The following ALK variants were observed in gnomAD, a reference collection of about 807,000 sequenced individuals.
ALK encodes the protein ALK tyrosine kinase receptor.
Under a neutral mutation model 163.1 loss-of-function variants are expected in ALK, and 74 were observed. The ratio of observed to expected loss-of-function variants is 0.45; its 90% CI spans 0.38 to 0.55. The LOEUF is 0.55. Ranked by LOEUF, ALK falls within the 20% of genes least tolerant of loss-of-function variation. The probability of loss-of-function intolerance (pLI) is 0.00; values close to 1 mark genes in which losing one functional copy is unlikely to be tolerated. For synonymous variants in ALK, 960 were observed against 843.2 expected (o/e 1.14, Z -2.40); for missense variants, 2,063 against 2,105.3 (o/e 0.98, Z 0.39).
At chr2:29,380,351 G>A (rs1039402421) in intron 5 of ALK, among the ~76,000 whole-genome samples, 1 of 151,844 alleles carries the variant, frequency 6.6e-6, no homozygotes, top group East Asian at 1.9e-4. Context: ...TGATCCACCT[G>A]CCTCAGCCTC....
rs563640159 is a variant in ALK, at chr2:29,339,230, G to A, written c.1283-10749C>T. On this transcript the variant is annotated intron_variant, in intron 5 of 28. Coordinates refer to ENST00000389048, the MANE Select transcript of ALK (RefSeq NM_004304.5). Reference sequence around the variant, plus strand: ...TGCACTCCAGCCTGGGTGACAGGGCGAGACTCTATCTCAAAAAAAAAAAAA... The same window carrying A: ...TGCACTCCAGCCTGGGTGACAGGGCAAGACTCTATCTCAAAAAAAAAAAAA... Among the ~76,000 whole-genome samples, 25 of 147,998 alleles carry A rather than the reference G, an allele frequency of 1.7e-4. No individual in the cohort carries two copies. The South Asian group carries it at 5.2e-3, about 31-fold the overall frequency.
intron 5 of ALK, among the ~76,000 whole-genome samples, chr2:29,332,249 G>T (rs975265305): frequency 1.8e-5 from 2 of 114,122 alleles, no homozygotes; most frequent in African/African-American, 6.7e-5. Flanking sequence ...CCGCACCATT[G>T]TACTCCAGCC....
intron 3 of ALK, among the ~76,000 whole-genome samples, chr2:29,561,920 G>T (rs925106259): frequency 6.6e-6 from 1 of 152,112 alleles, no homozygotes; most frequent in Non-Finnish European, 1.5e-5. Flanking sequence ...GGTCTAAGTA[G>T]TGATGTTTCA....
intron 1 of ALK, among the ~76,000 whole-genome samples, chr2:29,733,554 C>G (rs774763447): frequency 6.6e-6 from 1 of 152,228 alleles, no homozygotes; most frequent in African/African-American, 2.4e-5. Flanking sequence ...ATAATAGAAG[C>G]AATCTTACAT....
intron 1 of ALK, among the ~76,000 whole-genome samples, chr2:29,786,021 G>T (rs889100810): frequency 1.3e-5 from 2 of 151,824 alleles, no homozygotes; most frequent in African/African-American, 4.8e-5. Flanking sequence ...GGATAAAGTG[G>T]CTTTAAAAAG....
chr2:29,486,104 A>C (rs202027251), intron 4 of ALK, among the ~76,000 whole-genome samples: 1 of 127,020 alleles, frequency 7.9e-6, no homozygotes, highest in African/African-American at 2.9e-5. Context: ...CACGGTGTCT[A>C]TTGTTCAGGA....
chr2:29,214,380 G>GT (rs1669546677), intron 23 of ALK, among the ~76,000 whole-genome samples: 1 of 152,164 alleles, frequency 6.6e-6, no homozygotes, highest in Non-Finnish European at 1.5e-5. Context: ...GGGAAGCTAG[G>GT]TTGGAGCAGG....
intron 1 of ALK, among the ~76,000 whole-genome samples, chr2:29,866,851 G>T (rs1325615443): frequency 6.6e-6 from 1 of 152,178 alleles, no homozygotes; most frequent in Non-Finnish European, 1.5e-5. Flanking sequence ...TGTGGGCAAG[G>T]CTCCTGGGCC....
At chr2:29,816,276 G>C (rs543485491) in intron 1 of ALK, among the ~76,000 whole-genome samples, 15 of 152,266 alleles carry the variant, frequency 9.9e-5, no homozygotes, top group Non-Finnish European at 2.2e-4. Context: ...TGAGGGCTGG[G>C]TGGTTCTGAG....
At chr2:29,914,107 T>A (rs1434887389) in intron 1 of ALK, among the ~76,000 whole-genome samples, 1 of 152,226 alleles carries the variant, frequency 6.6e-6, no homozygotes, top group Admixed American at 6.5e-5. Context: ...ATTGCGAATA[T>A]GCTGGTGGAC....
chr2:29,478,563 G>A (rs1671583906), intron 4 of ALK, among the ~76,000 whole-genome samples: 1 of 152,244 alleles, frequency 6.6e-6, no homozygotes, highest in Non-Finnish European at 1.5e-5. Flanking sequence ...GAGCTTTGAA[G>A]TAATGAGCTC....
intron 4 of ALK, among the ~76,000 whole-genome samples, chr2:29,392,406 T>A (rs978909240): frequency 2.0e-5 from 3 of 152,234 alleles, no homozygotes; most frequent in Non-Finnish European, 4.4e-5. Flanking sequence ...ACTCATTTTT[T>A]AGAAGAGCTT....
intron 4 of ALK, among the ~76,000 whole-genome samples, chr2:29,481,462 A>G (rs1671657479): frequency 1.3e-5 from 2 of 152,200 alleles, no homozygotes; most frequent in African/African-American, 2.4e-5. Flanking sequence ...CCAAAACTCA[A>G]TTTATACATA....
intron 4 of ALK, among the ~76,000 whole-genome samples, chr2:29,420,092 G>A (rs1669979484): frequency 6.7e-6 from 1 of 149,614 alleles, no homozygotes; most frequent in Non-Finnish European, 1.5e-5. Context: ...GGGAGGTTGA[G>A]GCTGCTGTGA....
chr2:29,880,464 C>T (rs1666828388), intron 1 of ALK, among the ~76,000 whole-genome samples: 1 of 152,108 alleles, frequency 6.6e-6, no homozygotes, highest in African/African-American at 2.4e-5. Flanking sequence ...TGCTGAAAAG[C>T]TGATGAAAGC....
chr2:29,626,289 T>C (rs1453597468), intron 3 of ALK, among the ~76,000 whole-genome samples: 1 of 152,076 alleles, frequency 6.6e-6, no homozygotes, highest in African/African-American at 2.4e-5. Context: ...ATGTCAAGGG[T>C]GGGGCCAGGT....
At chr2:29,768,466 T>C (rs569230321) in intron 1 of ALK, among the ~76,000 whole-genome samples, 1 of 152,232 alleles carries the variant, frequency 6.6e-6, no homozygotes, top group East Asian at 1.9e-4. Context: ...CTAATACTAA[T>C]TTCCATATGT....
intron 4 of ALK, among the ~76,000 whole-genome samples, chr2:29,470,649 C>G (rs1489311419): frequency 6.7e-6 from 1 of 150,146 alleles, no homozygotes; most frequent in Admixed American, 6.7e-5. Context: ...CTTCAAAAAT[C>G]AAAGTGAAAT....
intron 4 of ALK, among the ~76,000 whole-genome samples, chr2:29,491,858 T>C (rs10182907): frequency 0.65 from 99,479 of 152,090 alleles, 33,730 homozygotes; most frequent in South Asian, 0.78. Context: ...AGGCCTTCTC[T>C]TCTTCTAAGC....
Sources: allele counts gnomAD v4.1 joint callset (sites outside exome capture counted in the v4.1 genomes callset), GRCh38; gene constraint gnomAD v4.1.1; transcripts MANE v1.5; gene names NCBI Gene and HGNC (gene_info 2026-07-23, HGNC 2026-07-21).